Variants in GSE1 observed in about 807,000 individuals in gnomAD.
The protein encoded by GSE1 is Gse1 coiled-coil protein.
A neutral mutation model predicts 112.6 loss-of-function variants in GSE1; 32 were observed. The ratio of observed to expected loss-of-function variants is 0.28; its 90% confidence interval spans 0.21 to 0.38. GSE1 has a LOEUF of 0.38. Ranked by LOEUF, GSE1 falls within the 10% of genes least tolerant of loss-of-function variation. The pLI, the probability that GSE1 is intolerant of heterozygous loss-of-function variation, is 1.00. For synonymous variants in GSE1, 1,115 were observed against 735.6 expected, an observed-to-expected ratio of 1.52 and a Z score of -8.35; for missense variants, 2,348 against 1,699.2, an observed-to-expected ratio of 1.38 and a Z score of -6.71.
In GSE1 at chr16:85,566,833, TAAAAG is replaced by T. The variant is rs1371268313; in HGVS notation, c.37+10473_37+10477del. 3.9e-5 allele frequency among the ~76,000 whole-genome samples: 6 copies of T among 152,056 alleles called. No homozygotes were observed. In the East Asian group the frequency reaches 9.6e-4, roughly 24 times the overall value. On this transcript the variant is annotated intron_variant, in intron 1 of 2. Transcript: ENST00000635906. ...GAGAAAGGGGGGCCGGCAGGGAACA[TAAAAG>T]AAGGGAGGAGGAGAGAATGGCGGGG...
rs527809967 is a variant in GSE1, at chr16:85,501,576, G to T, written c.2465-132338G>T. 2.7e-3 allele frequency among the ~76,000 whole-genome samples: 415 copies of T among 151,646 alleles called. 1 individual carries two copies. Among genetic ancestry groups the T allele is most frequent in the African/African-American group, 5.8e-3 (240 of 41,280 alleles). On this transcript the variant is annotated intron_variant, in intron 2 of 2. Transcript: ENST00000637419. ...CCAGCTAATTTTTTAAAAATTTTTT[G>T]CAGAGACTAGGTTTCGCTATGTTGC...
intron 2 of GSE1, among the ~76,000 whole-genome samples, chr16:85,525,079 C>T (rs1006666654): frequency 1.3e-5 from 2 of 152,222 alleles, no homozygotes; most frequent in African/African-American, 2.4e-5. Flanking sequence ...TGCGTCACCA[C>T]GTCTGCTGGC....
At chr16:85,495,671 A>T (rs191595987) in intron 2 of GSE1, among the ~76,000 whole-genome samples, 8,070 of 151,868 alleles carry the variant, frequency 0.053, 523 homozygotes, top group East Asian at 0.36. Flanking sequence ...TTTAAAAAAA[A>T]TTTTTAGTAG....
intron 2 of GSE1, among the ~76,000 whole-genome samples, chr16:85,492,092 C>G (rs1457797758): frequency 6.6e-6 from 1 of 152,206 alleles, no homozygotes; most frequent in African/African-American, 2.4e-5. Context: ...ACACGCCCGC[C>G]CCTCCGAGGC....
At chr16:85,401,602 A>T in intron 2 of GSE1, among the ~76,000 whole-genome samples, 1 of 152,082 alleles carries the variant, frequency 6.6e-6, no homozygotes, top group Non-Finnish European at 1.5e-5. Context: ...CATCCAGGTG[A>T]GGGCCAACAC....
chr16:85,391,505 C>T (rs909098661), intron 2 of GSE1, among the ~76,000 whole-genome samples: 1 of 152,202 alleles, frequency 6.6e-6, no homozygotes, highest in African/African-American at 2.4e-5. Flanking sequence ...CTGCCTCTTC[C>T]AGTCTCTGGT....
rs2053614348 is a variant in GSE1, at chr16:85,675,149, CAATCTCTT to C, written c.*2613_*2620del. Reference sequence around the variant, plus strand: ...TCAATTGGGCTTAAAAATTGACATGCAATCTCTTAAGTTTTTTGTTCAGCTACTTCACA... The same window carrying C: ...TCAATTGGGCTTAAAAATTGACATGCAAGTTTTTTGTTCAGCTACTTCACA... On this transcript the variant is annotated 3_prime_UTR_variant, in exon 16 of 16. Transcript: ENST00000253458. The C allele has an allele frequency of 7.0e-6, 1 of 143,536 alleles. No homozygotes were observed. 8.9% of individuals were successfully genotyped at this position (143,536 alleles called of 1,614,324 possible). A position where few individuals can be genotyped will look rare whatever the true frequency, so the allele number is the denominator to read the frequency against.
At chr16:85,624,482 G>A (rs918678761) in intron 1 of GSE1, among the ~76,000 whole-genome samples, 2 of 152,128 alleles carry the variant, frequency 1.3e-5, no homozygotes, top group African/African-American at 2.4e-5. Context: ...TCCGTAAAAC[G>A]GGTATAGCAC....
chr16:85,573,316 A>C (rs2046087838), intron 1 of GSE1, among the ~76,000 whole-genome samples: 1 of 152,146 alleles, frequency 6.6e-6, no homozygotes. Flanking sequence ...TTCATAGCCA[A>C]GTCGTCTGTC....
intron 1 of GSE1, among the ~76,000 whole-genome samples, chr16:85,175,944 T>A (rs992164949): frequency 6.6e-6 from 1 of 152,202 alleles, no homozygotes; most frequent in East Asian, 1.9e-4. Flanking sequence ...AGTCCAGCTC[T>A]TGAGTCTGTG....
intron 14 of GSE1, among the ~76,000 whole-genome samples, chr16:85,669,003 C>G (rs1213705121): frequency 6.6e-6 from 1 of 152,234 alleles, no homozygotes; most frequent in African/African-American, 2.4e-5. Flanking sequence ...ATGCACACAC[C>G]AACCCTCCTG....
chr16:85,218,345 A>G (rs190768487), intron 1 of GSE1, among the ~76,000 whole-genome samples: 1 of 152,230 alleles, frequency 6.6e-6, no homozygotes, highest in African/African-American at 2.4e-5. Context: ...GGGCTGCTGA[A>G]CCTTCCTGAG....
intron 1 of GSE1, among the ~76,000 whole-genome samples, chr16:85,221,775 ACC>A (rs1206890116): frequency 6.6e-6 from 1 of 151,080 alleles, no homozygotes; most frequent in East Asian, 2.0e-4. Flanking sequence ...GCCCCCAGAC[ACC>A]CTGGCATCTC....
At chr16:85,544,810 C>T (rs9935270) in intron 2 of GSE1, among the ~76,000 whole-genome samples, 1,541 of 152,320 alleles carry the variant, frequency 0.01, 36 homozygotes, top group African/African-American at 0.036. Flanking sequence ...AGCAGGGCCT[C>T]GCCTGGTCTC....
At chr16:85,351,063 A>G (rs971961553) in intron 1 of GSE1, among the ~76,000 whole-genome samples, 2 of 152,184 alleles carry the variant, frequency 1.3e-5, no homozygotes, top group African/African-American at 4.8e-5. Context: ...CATTGTACTC[A>G]AAAGGAAACC....
intron 9 of GSE1, chr16:85,662,155 C>T (rs953221419): frequency 5.0e-5 from 9 of 178,984 alleles, no homozygotes; most frequent in East Asian, 4.6e-4. Context: ...GCCGCTGCCA[C>T]GAGCTGCAGC....
chr16:85,457,272 T>A (rs1415948056), intron 2 of GSE1, among the ~76,000 whole-genome samples: 2 of 152,146 alleles, frequency 1.3e-5, no homozygotes, highest in Non-Finnish European at 2.9e-5. Flanking sequence ...GCAAGGAAGA[T>A]GCTCTGGGAG....
chr16:85,242,988 A>T (rs1299256011), intron 1 of GSE1, among the ~76,000 whole-genome samples: 1 of 151,888 alleles, frequency 6.6e-6, no homozygotes, highest in Non-Finnish European at 1.5e-5. Flanking sequence ...ATTTTTAAAA[A>T]TTTTTACAGA....
chr16:85,520,990 T>C (rs889528975), intron 2 of GSE1, among the ~76,000 whole-genome samples: 2 of 152,170 alleles, frequency 1.3e-5, no homozygotes, highest in Admixed American at 6.5e-5. Flanking sequence ...AGGTCTTTGC[T>C]TGGGGCCGGA....
Sources: allele counts gnomAD v4.1 joint callset (sites outside exome capture counted in the v4.1 genomes callset), GRCh38; gene constraint gnomAD v4.1.1; transcripts MANE v1.5; gene names NCBI Gene and HGNC (gene_info 2026-07-23, HGNC 2026-07-21).